APLP2: variants seen among roughly 807,000 people sequenced by gnomAD.
APLP2 encodes the protein CDEI box-binding protein.
In APLP2, 53 loss-of-function variants were observed where a neutral mutation model predicts 89.9. The ratio of observed to expected loss-of-function variants is 0.59; its 90% CI spans 0.47 to 0.74. The LOEUF (loss-of-function observed/expected upper bound fraction) is 0.74. Ranked by LOEUF, APLP2 falls within the 30% of genes least tolerant of loss-of-function variation. The probability of loss-of-function intolerance (pLI) is 0.00; values close to 1 mark genes in which losing one functional copy is unlikely to be tolerated. For missense variants in APLP2, 973 were observed against 975.9 expected (o/e 1.00, Z 0.04); for synonymous variants, 372 against 348.6 (o/e 1.07, Z -0.75).
chr11:130,080,166 A>G (rs1942905129), intron 1 of APLP2, among the ~76,000 whole-genome samples: 1 of 152,126 alleles, frequency 6.6e-6, no homozygotes. Flanking sequence ...TCTGATTTCA[A>G]AGTTAATAGC....
In APLP2 at chr11:130,129,049, A is replaced by G. The variant is rs1468966027; in HGVS notation, c.1298A>G (p.His433Arg). ...GTGGTTCCTGCTTTCTTGGTTTAGC[A>G]CTTCCAAGCCATGGTTAAAGCTTTA... Reference protein sequence around the residue: ...PKAERQTLIQHFQAMVKALEK... With the variant: ...PKAERQTLIQRFQAMVKALEK... Residue 433 changes from histidine to arginine, a missense_variant and splice_region_variant, in exon 10 of 17, where the codon CAC becomes CGC. His to Arg is a conservative substitution (Grantham distance 29, BLOSUM62 0). Coordinates refer to ENST00000338167, the MANE Select transcript of APLP2 (RefSeq NM_001142276.2). 1 of 1,612,490 alleles carries G rather than the reference A, an allele frequency of 6.2e-7. No individual in the cohort carries two copies. The highest frequency in any genetic ancestry group is 1.7e-5 in the Admixed American group (1 of 59,756).
At chr11:130,104,727 T>C (rs1378927909) in intron 1 of APLP2, among the ~76,000 whole-genome samples, 1 of 152,204 alleles carries the variant, frequency 6.6e-6, no homozygotes, top group Non-Finnish European at 1.5e-5. Flanking sequence ...GCATTCATAC[T>C]GAAGGCATAG....
At chr11:130,124,861 G>T (rs1950198327) in intron 7 of APLP2, among the ~76,000 whole-genome samples, 1 of 152,246 alleles carries the variant, frequency 6.6e-6, no homozygotes, top group Non-Finnish European at 1.5e-5. Flanking sequence ...TTTCAGGAAA[G>T]ATTTAGAAAT....
At chr11:130,142,211 C>A in intron 16 of APLP2, 137 bp downstream of exon 16, 1 of 1,037,860 alleles carries the variant, frequency 9.6e-7, no homozygotes, top group Non-Finnish European at 1.3e-6. Flanking sequence ...TCACTGGATT[C>A]CTAGGTCGTG....
In APLP2 at chr11:130,069,927, A is replaced by G; in HGVS notation, c.-51A>G. The G allele has an allele frequency of 2.2e-6, 3 of 1,341,370 alleles. No homozygotes were observed. The highest frequency in any genetic ancestry group is 3.0e-6 in the Non-Finnish European group (3 of 990,294). The allele number at this position is 1,341,370 out of a possible 1,614,324, so 83.1% of individuals were successfully genotyped here. A position where few individuals can be genotyped will look rare whatever the true frequency, so the allele number is the denominator to read the frequency against. On this transcript the variant is annotated 5_prime_UTR_variant, in exon 1 of 17. Coordinates refer to ENST00000338167, the MANE Select transcript of APLP2 (RefSeq NM_001142276.2). ...CTGGGTCGCGGTGTGCTAAGCGAGG[A>G]GTCCGAGTGTGTGAGCTTGAGAGCC... is the stretch of plus-strand genomic sequence containing the variant.
At chr11:130,075,608 G>T (rs12420815) in intron 1 of APLP2, among the ~76,000 whole-genome samples, 1 of 152,038 alleles carries the variant, frequency 6.6e-6, no homozygotes, top group Non-Finnish European at 1.5e-5. Context: ...ATTCTAATGT[G>T]CAAGGAGAGA....
chr11:130,084,768 G>C (rs12416769), intron 1 of APLP2, among the ~76,000 whole-genome samples: 45 of 151,248 alleles, frequency 3.0e-4, no homozygotes, highest in Admixed American at 6.6e-4. Flanking sequence ...CCTCAAACTA[G>C]AAAAAGAATA....
chr11:130,138,070 A>G (rs1364367995), intron 13 of APLP2, among the ~76,000 whole-genome samples: 1 of 152,192 alleles, frequency 6.6e-6, no homozygotes, highest in African/African-American at 2.4e-5. Flanking sequence ...CCCCAAGCCC[A>G]TGTGATTTCA....
chr11:130,141,276 G>T lies in APLP2; in HGVS notation c.1924-222G>T, dbSNP rs1180289990. 1.9e-6 allele frequency: 1 copy of T among 539,370 alleles called. No individual in the cohort carries two copies. Among genetic ancestry groups the T allele is most frequent in the African/African-American group, 1.9e-5 (1 of 51,896 alleles). 33.4% of individuals were successfully genotyped at this position (539,370 alleles called of 1,614,324 possible). On this transcript the variant is annotated intron_variant, in intron 14 of 16. Coordinates refer to ENST00000338167, the MANE Select transcript of APLP2 (RefSeq NM_001142276.2). The surrounding 1 kb of genome is among the most constrained non-coding windows in gnomAD (Gnocchi z 4.2). ...CGGTTACTTGAAGGAAAATGCATAC[G>T]GGACCAGCTGCCATAATATAGTCTT...
chr11:130,073,276 A>C (rs1163834190), intron 1 of APLP2, among the ~76,000 whole-genome samples: 1 of 152,178 alleles, frequency 6.6e-6, no homozygotes. Context: ...AATTAATTTC[A>C]CTTGTTTCTT....
At chr11:130,090,289 A>C (rs972162787) in intron 1 of APLP2, among the ~76,000 whole-genome samples, 1 of 122,644 alleles carries the variant, frequency 8.2e-6, no homozygotes, top group African/African-American at 3.2e-5. Flanking sequence ...TTTTATTGAT[A>C]ATTCTTGGGT....
intron 1 of APLP2, chr11:130,070,503 C>A: frequency 3.3e-6 from 4 of 1,203,392 alleles, no homozygotes; most frequent in Middle Eastern, 3.3e-4. Flanking sequence ...GGACCCCGTA[C>A]GCTCCCTCGC....
chr11:130,138,233 G>A lies in APLP2; in HGVS notation c.1838-2165G>A, dbSNP rs545691232. 2.6e-5 allele frequency among the ~76,000 whole-genome samples: 4 copies of A among 152,326 alleles called. No individual in the cohort carries two copies. In the East Asian group the frequency reaches 7.7e-4, roughly 29 times the overall value. ...TTGATGGGCCAAACGGTGTTGCCCG[G>A]CTAAGAAGGTGGTGTTCTGGTTTAC... On this transcript the variant is annotated intron_variant, in intron 13 of 16. Coordinates refer to ENST00000338167, the MANE Select transcript of APLP2 (RefSeq NM_001142276.2).
chr11:130,108,324 A>C (rs1723557150), intron 1 of APLP2, among the ~76,000 whole-genome samples: 1 of 152,268 alleles, frequency 6.6e-6, no homozygotes, highest in Non-Finnish European at 1.5e-5. Flanking sequence ...ACAAAGGGCT[A>C]ATATCCAGAA....
chr11:130,140,384 C>T lies in APLP2; in HGVS notation c.1838-14C>T, dbSNP rs766904304. On this transcript the variant is annotated splice_polypyrimidine_tract_variant and intron_variant, in intron 13 of 16. Coordinates refer to ENST00000338167, the MANE Select transcript of APLP2 (RefSeq NM_001142276.2). ...CCATCCTTGGGAACTCAGCCATGAT[C>T]TCTCTCCACACAGGATCTGGAGTGG... is the stretch of plus-strand genomic sequence containing the variant. 33 of 1,589,212 alleles carry T rather than the reference C, an allele frequency of 2.1e-5. No homozygotes were observed. Among genetic ancestry groups the T allele is most frequent in the Non-Finnish European group, 8.6e-7 (1 of 1,169,262 alleles).
In APLP2 at chr11:130,078,170, T is replaced by C. The variant is rs967516571; in HGVS notation, c.105+8088T>C. ...CTGTAGTTCAGTTTTTCTTTCTTTT[T>C]TTTTTTTTTTAGCTTCATATAAGTG... On this transcript the variant is annotated intron_variant, in intron 1 of 16. Coordinates refer to ENST00000338167, the MANE Select transcript of APLP2 (RefSeq NM_001142276.2). 3.6e-3 allele frequency among the ~76,000 whole-genome samples: 549 copies of C among 151,856 alleles called. 8 individuals are homozygous for C. Among genetic ancestry groups the C allele is most frequent in the African/African-American group, 0.013 (518 of 41,406 alleles).
At chr11:130,079,243 C>T (rs1179321763) in intron 1 of APLP2, among the ~76,000 whole-genome samples, 1 of 152,030 alleles carries the variant, frequency 6.6e-6, no homozygotes, top group Non-Finnish European at 1.5e-5. Context: ...GGATTACAGG[C>T]ACCCACCACC....
chr11:130,095,984 C>T (rs1365858208), intron 1 of APLP2, among the ~76,000 whole-genome samples: 2 of 152,062 alleles, frequency 1.3e-5, no homozygotes, highest in East Asian at 1.9e-4. Context: ...GGGAGATGGA[C>T]ACTGCAGATG....
At chr11:130,070,773 TTC>T in intron 1 of APLP2, 2 of 1,390,994 alleles carry the variant, frequency 1.4e-6, no homozygotes, top group Non-Finnish European at 1.9e-6. Flanking sequence ...TCGTGAGGGT[TTC>T]AGTGAGTAGG....
Sources: gnomAD v4.1 joint callset for allele counts (sites outside exome capture counted in the v4.1 genomes callset) on GRCh38, gnomAD v4.1.1 for gene constraint, Gnocchi (gnomAD v3.1) non-coding constraint, MANE v1.5 for transcripts, NCBI Gene and HGNC (gene_info 2026-07-23, HGNC 2026-07-21) for gene names.